The following RGS5 variants were observed in gnomAD, a reference collection of about 807,000 sequenced individuals.
The protein encoded by RGS5 is regulator of G protein signaling 5.
RGS5 carries 20 observed loss-of-function variants against 18.9 expected under a neutral mutation model. That is an observed-to-expected ratio of 1.06 (90% CI 0.74 to 1.54). The LOEUF is 1.54. RGS5 is among the 40% of genes most tolerant of loss of function. The pLI, the probability that RGS5 is intolerant of heterozygous loss-of-function variation, is 0.00. For synonymous variants in RGS5, 57 were observed against 76.2 expected (o/e 0.75, Z 1.31); for missense variants, 201 against 211.8 (o/e 0.95, Z 0.32).
At chr1:163,316,675 G>A (rs569886790) in intron 1 of RGS5, among the ~76,000 whole-genome samples, 2 of 151,606 alleles carry the variant, frequency 1.3e-5, no homozygotes, top group South Asian at 2.1e-4. Flanking sequence ...TATTGCTTTC[G>A]GTATTAAGTC....
At chr1:163,180,686 GTTTTTTTT>G (rs1026995196) in intron 1 of RGS5, among the ~76,000 whole-genome samples, 7 of 61,962 alleles carry the variant, frequency 1.1e-4, no homozygotes, top group African/African-American at 2.9e-4. Context: ...CCCTTACCCT[GTTTTTTTT>G]TTTTTTTTTT....
chr1:163,258,028 C>A (rs965668331), intron 2 of RGS5, among the ~76,000 whole-genome samples: 1 of 152,154 alleles, frequency 6.6e-6, no homozygotes, highest in Admixed American at 6.5e-5. Flanking sequence ...CTGCTGTGTT[C>A]CCACCAGCTC....
At chr1:163,203,229 G>C (rs1163993400), upstream of RGS5, 1 of 165,244 alleles carries the variant, frequency 6.1e-6, no homozygotes, top group African/African-American at 2.4e-5. Context: ...GTGAAGCAAA[G>C]TGTCTTGGAC....
intron 2 of RGS5, among the ~76,000 whole-genome samples, chr1:163,245,282 AGCC>A (rs1291414121): frequency 6.6e-6 from 1 of 152,184 alleles, no homozygotes; most frequent in Non-Finnish European, 1.5e-5. Flanking sequence ...AACTCTATTC[AGCC>A]ACCTACCCAT....
chr1:163,239,848 A>G (rs758955133), intron 2 of RGS5, among the ~76,000 whole-genome samples: 9 of 152,348 alleles, frequency 5.9e-5, no homozygotes, highest in Non-Finnish European at 1.0e-4. Context: ...TTTTTGCATA[A>G]CATGGCACTA....
intron 2 of RGS5, among the ~76,000 whole-genome samples, chr1:163,239,651 C>T (rs548471815): frequency 1.3e-5 from 2 of 152,148 alleles, no homozygotes; most frequent in Admixed American, 6.5e-5. Flanking sequence ...GAATAAAAGC[C>T]AGCTTAAAGG....
At chr1:163,261,530 G>A (rs891965646) in intron 2 of RGS5, among the ~76,000 whole-genome samples, 2 of 152,068 alleles carry the variant, frequency 1.3e-5, no homozygotes, top group African/African-American at 4.8e-5. Context: ...TCTCTTTCTT[G>A]GGTCCACAGA....
chr1:163,274,603 T>C (rs1005214535), intron 2 of RGS5, among the ~76,000 whole-genome samples: 1 of 152,184 alleles, frequency 6.6e-6, no homozygotes, highest in Non-Finnish European at 1.5e-5. Flanking sequence ...AATTTATAAC[T>C]TGTTTGTCAG....
chr1:163,165,354 A>G (rs1657993593), intron 2 of RGS5, among the ~76,000 whole-genome samples: 1 of 152,252 alleles, frequency 6.6e-6, no homozygotes, highest in Non-Finnish European at 1.5e-5. Context: ...GGAGACATTT[A>G]TAATATAAAA....
intron 2 of RGS5, among the ~76,000 whole-genome samples, chr1:163,296,347 T>C (rs1303747749): frequency 1.3e-5 from 2 of 152,206 alleles, no homozygotes; most frequent in Non-Finnish European, 2.9e-5. Flanking sequence ...CGAATTCTTC[T>C]AATATTTGGC....
intron 2 of RGS5, among the ~76,000 whole-genome samples, chr1:163,263,375 T>G (rs72695940): frequency 0.097 from 14,727 of 152,254 alleles, 984 homozygotes; most frequent in South Asian, 0.2. Flanking sequence ...TCTGAAAATG[T>G]TTTTTTGAGT....
intron 2 of RGS5, among the ~76,000 whole-genome samples, chr1:163,286,596 T>A (rs1386603429): frequency 6.6e-6 from 1 of 152,130 alleles, no homozygotes; most frequent in Non-Finnish European, 1.5e-5. Context: ...TTTTATGGTA[T>A]TTTATCAAGC....
At chr1:163,217,716 A>G, upstream of RGS5, 1 of 1,317,886 alleles carries the variant, frequency 7.6e-7, no homozygotes, top group Non-Finnish European at 9.9e-7. Context: ...CCTTGATGAC[A>G]TTGTTGAGCT....
chr1:163,164,597 T>C (rs1657963539), intron 2 of RGS5, among the ~76,000 whole-genome samples: 1 of 152,190 alleles, frequency 6.6e-6, no homozygotes, highest in Non-Finnish European at 1.5e-5. Flanking sequence ...TATCCTGTGG[T>C]GTACCCTTAC....
In RGS5 at chr1:163,309,498, C is replaced by CT. The variant is rs35021957; in HGVS notation, c.-377-3170dup. ...AGCAATAGATTCCATCTAAGGAAAC[C>CT]TTTTTTTTTTTCTTATCCAAAAGAA... On this transcript the variant is annotated intron_variant, in intron 1 of 5. Coordinates refer to the RGS5 transcript ENST00000618415. Among the ~76,000 whole-genome samples the CT allele has an allele frequency of 5.3e-5, 8 of 150,322 alleles. No homozygotes were observed. The East Asian group carries it at 5.9e-4, about 11-fold the overall frequency.
At chr1:163,217,744 T>C, upstream of RGS5, 1 of 1,062,120 alleles carries the variant, frequency 9.4e-7, no homozygotes, top group Non-Finnish European at 1.3e-6. Context: ...AAAAGTATCC[T>C]GAACCTGAAT....
chr1:163,250,683 C>G (rs919689252), intron 2 of RGS5, among the ~76,000 whole-genome samples: 2 of 151,838 alleles, frequency 1.3e-5, no homozygotes, highest in African/African-American at 2.4e-5. Context: ...AGAAAGACCC[C>G]GAAAAAATAG....
intron 3 of RGS5, among the ~76,000 whole-genome samples, chr1:163,155,982 C>T (rs1193586240): frequency 6.6e-6 from 1 of 152,134 alleles, no homozygotes; most frequent in Non-Finnish European, 1.5e-5. Context: ...GCAGCCAGCC[C>T]TACCTAAGAA....
intron 1 of RGS5, among the ~76,000 whole-genome samples, chr1:163,182,583 A>C (rs1173557331): frequency 6.6e-6 from 1 of 152,326 alleles, no homozygotes; most frequent in East Asian, 1.9e-4. Flanking sequence ...ACAAGACAGA[A>C]ACAGTTTATT....
Sources: gnomAD v4.1 joint callset for allele counts (sites outside exome capture counted in the v4.1 genomes callset) on GRCh38, gnomAD v4.1.1 for gene constraint, MANE v1.5 for transcripts, NCBI Gene and HGNC (gene_info 2026-07-23, HGNC 2026-07-21) for gene names.